The following RNGTT variants were observed in gnomAD, a reference collection of about 807,000 sequenced individuals.
RNGTT encodes the protein RNA guanylyltransferase and 5'-phosphatase, also known as mRNA-capping enzyme.
Under a neutral mutation model 79.3 loss-of-function variants are expected in RNGTT, and 33 were observed. The ratio of observed to expected loss-of-function variants is 0.42; its 90% confidence interval spans 0.32 to 0.56. RNGTT has a LOEUF of 0.56. Ranked by LOEUF, RNGTT falls within the 20% of genes least tolerant of loss-of-function variation. The pLI is 0.17. For synonymous variants in RNGTT, 222 were observed against 235.9 expected (o/e 0.94, Z 0.54); for missense variants, 497 against 739.1 (o/e 0.67, Z 3.80).
At chr6:88,663,816 T>C (rs1182143311) in intron 14 of RNGTT, among the ~76,000 whole-genome samples, 2 of 152,228 alleles carry the variant, frequency 1.3e-5, no homozygotes, top group African/African-American at 4.8e-5. Context: ...CTGGGGTAAA[T>C]GAGGAGGGGC....
intron 14 of RNGTT, among the ~76,000 whole-genome samples, chr6:88,651,118 A>C (rs2756381): frequency 0.16 from 24,103 of 151,992 alleles, 5,706 homozygotes; most frequent in African/African-American, 0.52. Context: ...GTTAAAAAAA[A>C]AACAACAACA....
chr6:88,814,526 A>G (rs1041810991), intron 11 of RNGTT, among the ~76,000 whole-genome samples: 1 of 152,196 alleles, frequency 6.6e-6, no homozygotes, highest in African/African-American at 2.4e-5. Flanking sequence ...ACCTTTTCTA[A>G]AATATTTATA....
At chr6:88,821,128 T>C (rs1288077086) in intron 11 of RNGTT, among the ~76,000 whole-genome samples, 1 of 152,032 alleles carries the variant, frequency 6.6e-6, no homozygotes, top group Non-Finnish European at 1.5e-5. Context: ...TGGAACAGAA[T>C]AGAACCCAGA....
At chr6:88,862,669 G>C (rs1311315852) in intron 8 of RNGTT, among the ~76,000 whole-genome samples, 1 of 152,058 alleles carries the variant, frequency 6.6e-6, no homozygotes. Flanking sequence ...TCTGAAGAGG[G>C]GGCAGTCTTG....
chr6:88,806,754 A>C (rs573817357), intron 11 of RNGTT, among the ~76,000 whole-genome samples: 44 of 152,338 alleles, frequency 2.9e-4, no homozygotes, highest in African/African-American at 1.0e-3. Flanking sequence ...TATATACCCA[A>C]GGAATATAAA....
At chr6:88,752,494 C>T (rs1177281883) in intron 13 of RNGTT, among the ~76,000 whole-genome samples, 1 of 152,008 alleles carries the variant, frequency 6.6e-6, no homozygotes, top group Admixed American at 6.6e-5. Flanking sequence ...TTAAAAAATT[C>T]CACCTACAAT....
At chr6:88,720,321 C>A (rs2127812708) in intron 13 of RNGTT, among the ~76,000 whole-genome samples, 1 of 152,182 alleles carries the variant, frequency 6.6e-6, no homozygotes, top group African/African-American at 2.4e-5. Context: ...TTCTGCCCTA[C>A]CTAAACTTTA....
intron 2 of RNGTT, among the ~76,000 whole-genome samples, chr6:88,932,179 G>C (rs917629041): frequency 6.6e-5 from 10 of 152,142 alleles, no homozygotes; most frequent in Admixed American, 1.3e-4. Flanking sequence ...CTCTAGGAGG[G>C]TCTGCAGTTG....
chr6:88,727,336 T>C (rs1349103581), intron 13 of RNGTT, among the ~76,000 whole-genome samples: 2 of 152,246 alleles, frequency 1.3e-5, no homozygotes, highest in East Asian at 1.9e-4. Context: ...AAAAATTTTT[T>C]CTTTTAAAGG....
intron 12 of RNGTT, among the ~76,000 whole-genome samples, chr6:88,776,448 T>C (rs1423576856): frequency 6.6e-6 from 1 of 152,010 alleles, no homozygotes; most frequent in Non-Finnish European, 1.5e-5. Context: ...GCCTCCCAAG[T>C]AGCTGAGATT....
intron 9 of RNGTT, 56 bp downstream of exon 9, chr6:88,853,572 AC>A: frequency 3.3e-6 from 4 of 1,213,516 alleles, no homozygotes; most frequent in Non-Finnish European, 4.6e-6. Flanking sequence ...ACATTTACTT[AC>A]AAGGAAAAGA....
At chr6:88,906,758 C>T (rs1783667811) in intron 4 of RNGTT, among the ~76,000 whole-genome samples, 1 of 152,060 alleles carries the variant, frequency 6.6e-6, no homozygotes, top group Non-Finnish European at 1.5e-5. Context: ...ATCAAACACA[C>T]AACTCAAAAG....
intron 1 of RNGTT, among the ~76,000 whole-genome samples, chr6:88,958,524 G>A (rs1054899664): frequency 6.6e-6 from 1 of 151,752 alleles, no homozygotes; most frequent in African/African-American, 2.4e-5. Context: ...AAATGAGCAA[G>A]AAAAAAACAA....
chr6:88,907,207 C>G (rs1197450668), intron 4 of RNGTT, among the ~76,000 whole-genome samples: 1 of 152,198 alleles, frequency 6.6e-6, no homozygotes, highest in Non-Finnish European at 1.5e-5. Context: ...TGGTTTGGCT[C>G]TGTGTCCCCG....
At chr6:88,847,226 G>A (rs748305173) in intron 10 of RNGTT, among the ~76,000 whole-genome samples, 4 of 151,914 alleles carry the variant, frequency 2.6e-5, no homozygotes, top group Non-Finnish European at 4.4e-5. Context: ...CTGTGCAAAT[G>A]GCCTTCTTTG....
intron 11 of RNGTT, among the ~76,000 whole-genome samples, chr6:88,824,259 T>C (rs565380675): frequency 6.6e-6 from 1 of 152,318 alleles, no homozygotes; most frequent in South Asian, 2.1e-4. Flanking sequence ...CTATACAATA[T>C]ACAGCCTATT....
chr6:88,677,285 G>GAAAAAA, intron 14 of RNGTT, among the ~76,000 whole-genome samples: 1 of 109,222 alleles, frequency 9.2e-6, no homozygotes, highest in Non-Finnish European at 1.9e-5. Context: ...TGGAGACCAG[G>GAAAAAA]AAAAAAAAAA....
In RNGTT at chr6:88,733,935, A is replaced by G. The variant is rs193073288; in HGVS notation, c.1439+35839T>C. On this transcript the variant is annotated intron_variant, in intron 13 of 15. Transcript: ENST00000369485. ...ATTCCTTACCAGAAGACCTGTCCTG[A>G]AAAAAGTATTAAAAAGAAGTTCTTA... 3.3e-5 allele frequency among the ~76,000 whole-genome samples: 5 copies of G among 152,276 alleles called. No individual in the cohort carries two copies. In the East Asian group the frequency reaches 9.6e-4, roughly 29 times the overall value.
intron 8 of RNGTT, among the ~76,000 whole-genome samples, chr6:88,864,680 C>T (rs979167117): frequency 5.9e-5 from 9 of 152,030 alleles, no homozygotes; most frequent in African/African-American, 1.7e-4. Flanking sequence ...AATAGCTAAA[C>T]CACTGAAGCA....
Sources: allele counts gnomAD v4.1 joint callset (sites outside exome capture counted in the v4.1 genomes callset), GRCh38; gene constraint gnomAD v4.1.1; transcripts MANE v1.5; gene names NCBI Gene and HGNC (gene_info 2026-07-23, HGNC 2026-07-21).